The following LARGE1 variants were observed in gnomAD, a reference collection of about 807,000 sequenced individuals.
LARGE1 encodes the protein LARGE xylosyl- and glucuronyltransferase 1.
Under a neutral mutation model 87.6 loss-of-function variants are expected in LARGE1, and 43 were observed. That is an observed-to-expected ratio of 0.49 (90% CI 0.38 to 0.63). The LOEUF (loss-of-function observed/expected upper bound fraction) is 0.63. Ranked by LOEUF, LARGE1 falls within the 30% of genes least tolerant of loss-of-function variation. The probability of loss-of-function intolerance (pLI) is 0.00; values close to 1 mark genes in which losing one functional copy is unlikely to be tolerated. For synonymous variants in LARGE1, 434 were observed against 394.6 expected, an observed-to-expected ratio of 1.10 and a Z score of -1.18; for missense variants, 802 against 1,000.2, an observed-to-expected ratio of 0.80 and a Z score of 2.67.
At chr22:33,722,302 A>AGAGGGAGAG (rs1187721411) in intron 2 of LARGE1, among the ~76,000 whole-genome samples, 7 of 127,452 alleles carry the variant, frequency 5.5e-5, no homozygotes, top group Non-Finnish European at 1.2e-4. Context: ...GAGAGGAGGG[A>AGAGGGAGAG]GAGGGAGAGG....
At chr22:33,704,467 CT>C (rs1445447293) in intron 2 of LARGE1, among the ~76,000 whole-genome samples, 2 of 152,192 alleles carry the variant, frequency 1.3e-5, no homozygotes, top group African/African-American at 2.4e-5. Context: ...GGGCCAGAAG[CT>C]TTGTGAACAT....
At chr22:33,398,495 G>A (rs946818831) in intron 7 of LARGE1, among the ~76,000 whole-genome samples, 1 of 152,192 alleles carries the variant, frequency 6.6e-6, no homozygotes, top group Non-Finnish European at 1.5e-5. Flanking sequence ...TGCCGAACTA[G>A]AGTGATAATT....
At chr22:33,304,627 G>T in intron 11 of LARGE1, 120 bp from the exon 12 acceptor site, 1 of 1,064,704 alleles carries the variant, frequency 9.4e-7, no homozygotes, top group Non-Finnish European at 1.3e-6. Flanking sequence ...TCAAATCCCT[G>T]CTTTCAACGT....
intron 5 of LARGE1, among the ~76,000 whole-genome samples, chr22:33,597,030 T>C (rs978863875): frequency 1.3e-5 from 2 of 152,178 alleles, no homozygotes; most frequent in Non-Finnish European, 2.9e-5. Context: ...TGCCCTTCCA[T>C]GAGACATATC....
intron 2 of LARGE1, among the ~76,000 whole-genome samples, chr22:33,672,357 T>C (rs1036929439): frequency 2.6e-5 from 4 of 152,214 alleles, no homozygotes; most frequent in African/African-American, 9.6e-5. Context: ...GAGGTTTCAA[T>C]GAAGAGTGAG....
chr22:33,840,067 T>C (rs2063232193), intron 1 of LARGE1, among the ~76,000 whole-genome samples: 1 of 152,148 alleles, frequency 6.6e-6, no homozygotes, highest in African/African-American at 2.4e-5. Flanking sequence ...GAATTGAAGG[T>C]GGTAAGAAAC....
the LARGE1 span, among the ~76,000 whole-genome samples, chr22:33,147,093 T>C: frequency 9.8e-5 from 15 of 152,352 alleles, no homozygotes; most frequent in African/African-American, 3.4e-4. Flanking sequence ...TTTCATTGTA[T>C]GGAGATGTAT....
rs1365507732 is a variant in LARGE1 at position 33,773,298 on chromosome 22, A to T, written c.-82-11740T>A. Among the ~76,000 whole-genome samples, 3 of 152,232 alleles carry T rather than the reference A, an allele frequency of 2.0e-5. No individual in the cohort carries two copies. In the East Asian group the frequency reaches 5.8e-4, roughly 29 times the overall value. ...TTCATCATGTGAACTCTAATTTAAA[A>T]GCCGCACGCAATATGCTCTCAAACA... On this transcript the variant is annotated intron_variant, in intron 1 of 14. Coordinates refer to ENST00000397394, the MANE Select transcript of LARGE1 (RefSeq NM_133642.5).
At position 33,304,431 on chromosome 22, in the gene LARGE1, C is replaced by A. The variant is rs1386616010; in HGVS notation, c.1528G>T (p.Ala510Ser). The change falls in exon 12 of 15, where the codon GCC (alanine) becomes TCC (serine). Residue 510 changes from alanine (A) to serine (S), a missense_variant. By Grantham distance (99) the Ala-to-Ser change is moderately conservative. Around this residue, in one of 2 missense-constraint regions of LARGE1, gnomAD observed 625 missense variants for 841.9 expected, o/e 0.74. Coordinates refer to ENST00000397394, the MANE Select transcript of LARGE1 (RefSeq NM_133642.5). ...TGTGCGTAGCGGAGGAACTGCTGGG[C>A]CTCGGCGTCTGACAGGTAGAGGGCC... Reference protein sequence around the residue: ...SLALYLSDAEAQQFLRYAQGS... With the variant: ...SLALYLSDAESQQFLRYAQGS... 1 of 1,614,016 alleles carries A rather than the reference C, an allele frequency of 6.2e-7. No homozygotes were observed. Among genetic ancestry groups the A allele is most frequent in the Non-Finnish European group, 8.5e-7 (1 of 1,180,032 alleles).
chr22:33,866,506 G>A (rs1296719820), intron 1 of LARGE1, among the ~76,000 whole-genome samples: 1 of 152,228 alleles, frequency 6.6e-6, no homozygotes, highest in Non-Finnish European at 1.5e-5. Context: ...TGATATGAAG[G>A]TGAAGGAGTA....
chr22:33,131,419 T>G, the LARGE1 span, among the ~76,000 whole-genome samples: 52,471 of 151,914 alleles, frequency 0.35, 9,264 homozygotes, highest in South Asian at 0.45. Flanking sequence ...TCATTGCCTA[T>G]TCTCTCCCTA....
chr22:33,203,485 C>T (rs975024750), intron 11 of LARGE1, among the ~76,000 whole-genome samples: 3 of 152,118 alleles, frequency 2.0e-5, no homozygotes, highest in Non-Finnish European at 4.4e-5. Context: ...AGTGCTTAGT[C>T]GATTCCCAGG....
chr22:33,787,859 A>G lies in LARGE1; in HGVS notation c.-82-26301T>C, dbSNP rs117653073. 5.4e-3 allele frequency among the ~76,000 whole-genome samples: 830 copies of G among 152,348 alleles called. 4 individuals are homozygous for G. Among genetic ancestry groups the G allele is most frequent in the Non-Finnish European group, 8.5e-3 (579 of 68,032 alleles). On this transcript the variant is annotated intron_variant, in intron 1 of 14. Transcript: ENST00000397394. ...ATCTAGCCAGACTTGAACATGGTTT[A>G]GTTCCTGTGGTTCCCTGCTATTTAT...
chr22:33,548,658 G>A (rs751265675), intron 6 of LARGE1, among the ~76,000 whole-genome samples: 3 of 152,112 alleles, frequency 2.0e-5, no homozygotes, highest in Non-Finnish European at 4.4e-5. Context: ...CAGGTGATCC[G>A]CCTGTCTCAG....
At chr22:33,554,306 A>C (rs1004850111) in intron 6 of LARGE1, among the ~76,000 whole-genome samples, 1 of 152,236 alleles carries the variant, frequency 6.6e-6, no homozygotes, top group East Asian at 1.9e-4. Flanking sequence ...CACGCACTAC[A>C]GAGCTGCCCA....
chr22:33,434,578 C>T (rs532231557), intron 6 of LARGE1, among the ~76,000 whole-genome samples: 6 of 152,204 alleles, frequency 3.9e-5, no homozygotes, highest in East Asian at 3.9e-4. Flanking sequence ...GGATTACAAG[C>T]GTGAGCCACT....
chr22:33,878,985 T>G (rs539960621), intron 1 of LARGE1, among the ~76,000 whole-genome samples: 115 of 144,704 alleles, frequency 7.9e-4, no homozygotes, highest in Non-Finnish European at 1.6e-3. Flanking sequence ...TTCTTCTTCC[T>G]TTTTTTTTTT....
chr22:33,611,043 T>C (rs1180785502), intron 4 of LARGE1, among the ~76,000 whole-genome samples: 13 of 152,128 alleles, frequency 8.5e-5, no homozygotes, highest in Admixed American at 8.5e-4. Context: ...TTTCAGAGAA[T>C]GTATAAGAAA....
intron 5 of LARGE1, chr22:33,572,118 A>AT (rs933137746): frequency 1.1e-6 from 1 of 881,388 alleles, no homozygotes; most frequent in Non-Finnish European, 1.7e-6. Flanking sequence ...TACTGGAAAT[A>AT]TTTTTTGCTC....
Sources: gnomAD v4.1 joint callset for allele counts (sites outside exome capture counted in the v4.1 genomes callset) on GRCh38, gnomAD v4.1.1 for gene constraint, gnomAD v4.1.1 regional missense constraint, MANE v1.5 for transcripts, NCBI Gene and HGNC (gene_info 2026-07-23, HGNC 2026-07-21) for gene names.